CDK6: variants seen among roughly 807,000 people sequenced by gnomAD.
CDK6 encodes the protein cyclin-dependent kinase 6.
In CDK6, 6 loss-of-function variants were observed where a neutral mutation model predicts 37.1. The observed-to-expected ratio is 0.16, with a 90% confidence interval of 0.09 to 0.32. The LOEUF (loss-of-function observed/expected upper bound fraction) is 0.32. CDK6 is among the 10% of genes least tolerant of loss of function. The probability of loss-of-function intolerance (pLI) is 1.00; values close to 1 mark genes in which losing one functional copy is unlikely to be tolerated. For synonymous variants in CDK6, 160 were observed against 161.3 expected, an observed-to-expected ratio of 0.99 and a Z score of 0.06; for missense variants, 224 against 418.9, an observed-to-expected ratio of 0.53 and a Z score of 4.06.
chr7:92,634,609 T>A (rs781052897), intron 5 of CDK6, among the ~76,000 whole-genome samples: 2 of 152,190 alleles, frequency 1.3e-5, no homozygotes, highest in Non-Finnish European at 2.9e-5. Flanking sequence ...ACCTTTTATA[T>A]CCTTACAACT....
chr7:92,640,657 C>T (rs765945555), intron 5 of CDK6, among the ~76,000 whole-genome samples: 3 of 152,178 alleles, frequency 2.0e-5, no homozygotes, highest in Non-Finnish European at 4.4e-5. Flanking sequence ...ATTTCACACA[C>T]ATTTAATCCC....
At chr7:92,827,624 G>C (rs1393954196) in intron 2 of CDK6, among the ~76,000 whole-genome samples, 1 of 152,118 alleles carries the variant, frequency 6.6e-6, no homozygotes, top group Non-Finnish European at 1.5e-5. Flanking sequence ...AGCATCTATG[G>C]ATCATCACTC....
intron 4 of CDK6, chr7:92,725,412 A>G (rs1391485393): frequency 5.0e-6 from 4 of 807,942 alleles, no homozygotes; most frequent in Non-Finnish European, 6.0e-6. Context: ...TATTTCTGCA[A>G]TGGATCCTGT....
At chr7:92,752,933 G>T (rs1799220404) in intron 3 of CDK6, among the ~76,000 whole-genome samples, 1 of 152,112 alleles carries the variant, frequency 6.6e-6, no homozygotes, top group Non-Finnish European at 1.5e-5. Flanking sequence ...TTATACGACA[G>T]ATCCTGAAAT....
intron 3 of CDK6, among the ~76,000 whole-genome samples, chr7:92,767,239 AG>A (rs1799605222): frequency 6.6e-6 from 1 of 152,212 alleles, no homozygotes; most frequent in Admixed American, 6.5e-5. Context: ...AGCTACTATA[AG>A]GGTTAGGAAT....
Position 92,833,096 on chromosome 7 carries a change from C to T in CDK6, c.228G>A (p.Val76=), listed in dbSNP as rs1339543381. 4.4e-6 allele frequency: 7 copies of T among 1,586,098 alleles called. No individual in the cohort carries two copies. Among genetic ancestry groups the T allele is most frequent in the Non-Finnish European group, 5.1e-6 (6 of 1,167,012 alleles). ...RHLETFEHPN[V]VRLFDVCTVS... is the part of the protein sequence containing the mutation. ...GGCGCAGCTCCCTGGCTCACCTGAC[C>T]ACGTTGGGGTGCTCGAAGGTCTCCA... is the stretch of plus-strand genomic sequence containing the variant. Residue 76 remains valine (V), a synonymous_variant, in exon 2 of 8, where the codon GTG becomes GTA. Coordinates refer to ENST00000424848, the MANE Select transcript of CDK6 (RefSeq NM_001145306.2). This position sits in a 1 kb window ranked among gnomAD's most constrained non-coding sequence, Gnocchi z 6.1.
chr7:92,679,625 CAT>C (rs1367805402), intron 4 of CDK6, among the ~76,000 whole-genome samples: 1 of 152,196 alleles, frequency 6.6e-6, no homozygotes, highest in African/African-American at 2.4e-5. Context: ...CTTTCTAATA[CAT>C]ATGTTTTTCT....
At chr7:92,830,269 G>T (rs1171768108) in intron 2 of CDK6, among the ~76,000 whole-genome samples, 1 of 152,198 alleles carries the variant, frequency 6.6e-6, no homozygotes, top group African/African-American at 2.4e-5. Flanking sequence ...GTGCATGCAG[G>T]CAGTACCAGT....
chr7:92,680,289 G>A (rs6971176), intron 4 of CDK6, among the ~76,000 whole-genome samples: 6,734 of 150,432 alleles, frequency 0.045, 527 homozygotes, highest in African/African-American at 0.16. Flanking sequence ...AAAATTAGTC[G>A]GGCATGGTGG....
intron 2 of CDK6, among the ~76,000 whole-genome samples, chr7:92,825,532 G>C (rs1801289092): frequency 6.6e-6 from 1 of 152,006 alleles, no homozygotes; most frequent in Admixed American, 6.6e-5. Context: ...CAAACTGGAA[G>C]TATACTTCTT....
At chr7:92,736,339 C>T (rs1202705067) in intron 3 of CDK6, among the ~76,000 whole-genome samples, 3 of 152,184 alleles carry the variant, frequency 2.0e-5, no homozygotes, top group Admixed American at 1.3e-4. Flanking sequence ...GGCATTGTGT[C>T]AGGTGATGCT....
chr7:92,617,204 A>C (rs996505238), intron 7 of CDK6, among the ~76,000 whole-genome samples: 1 of 152,188 alleles, frequency 6.6e-6, no homozygotes, highest in Non-Finnish European at 1.5e-5. Flanking sequence ...TGGCCAATGG[A>C]ACATGGGCAG....
rs2116603578 is a variant in CDK6 at position 92,671,555 on chromosome 7, C to G, written c.538-20G>C. 1 of 1,466,650 alleles carries G rather than the reference C, an allele frequency of 6.8e-7. No homozygotes were observed. The highest frequency in any genetic ancestry group is 2.5e-5 in the East Asian group (1 of 40,374). 90.9% of individuals were successfully genotyped at this position (1,466,650 alleles called of 1,614,324 possible). On this transcript the variant is annotated intron_variant, in intron 4 of 7. Coordinates refer to ENST00000424848, the MANE Select transcript of CDK6 (RefSeq NM_001145306.2). ...GACGACCTGCAATGGCAAGCGGATC[C>G]AAGTGTTACTGAGAAGGTGGCTGTT...
intron 4 of CDK6, among the ~76,000 whole-genome samples, chr7:92,696,056 CTG>C (rs1797711494): frequency 6.6e-6 from 1 of 152,198 alleles, no homozygotes; most frequent in Non-Finnish European, 1.5e-5. Flanking sequence ...GGAGTGTGCT[CTG>C]TTGTACAAAG....
intron 5 of CDK6, among the ~76,000 whole-genome samples, chr7:92,641,680 A>G (rs1385872524): frequency 6.6e-6 from 1 of 152,246 alleles, no homozygotes; most frequent in African/African-American, 2.4e-5. Context: ...GATTTTTAAA[A>G]AACAGTCCAG....
intron 2 of CDK6, among the ~76,000 whole-genome samples, chr7:92,801,470 C>G (rs1375549650): frequency 6.6e-6 from 1 of 152,138 alleles, no homozygotes; most frequent in Non-Finnish European, 1.5e-5. Context: ...CAAGCCTTAG[C>G]CCTTCTTTTT....
chr7:92,642,138 C>G (rs112235288), intron 5 of CDK6, among the ~76,000 whole-genome samples: 186 of 152,230 alleles, frequency 1.2e-3, no homozygotes, highest in African/African-American at 4.0e-3. Flanking sequence ...CTATGGAAAA[C>G]AAGGGAAGAC....
chr7:92,798,370 A>C (rs957561896), intron 2 of CDK6, among the ~76,000 whole-genome samples: 1 of 152,236 alleles, frequency 6.6e-6, no homozygotes, highest in African/African-American at 2.4e-5. Context: ...AAATTACTTT[A>C]AAATGCCAAA....
intron 4 of CDK6, among the ~76,000 whole-genome samples, chr7:92,696,582 A>G (rs567137433): frequency 3.7e-4 from 57 of 152,194 alleles, no homozygotes; most frequent in Non-Finnish European, 7.3e-4. Context: ...TACTTTGAAA[A>G]AACTGGTTTG....
Sources: allele counts gnomAD v4.1 joint callset (sites outside exome capture counted in the v4.1 genomes callset), GRCh38; gene constraint gnomAD v4.1.1; non-coding constraint Gnocchi (gnomAD v3.1); transcripts MANE v1.5; gene names NCBI Gene and HGNC (gene_info 2026-07-23, HGNC 2026-07-21).